Variants in RGS17 observed in about 807,000 individuals in gnomAD.
RGS17 encodes regulator of G-protein signaling 17.
A neutral mutation model predicts 25.5 loss-of-function variants in RGS17; 12 were observed. That is an observed-to-expected ratio of 0.47 (90% confidence interval 0.30 to 0.76). The LOEUF (loss-of-function observed/expected upper bound fraction) is 0.76. Among genes scored for constraint, RGS17 ranks in the 30% least tolerant of loss-of-function variants. RGS17 has a pLI of 0.07. For missense variants in RGS17, 196 were observed against 242.2 expected, an observed-to-expected ratio of 0.81 and a Z score of 1.27; for synonymous variants, 71 against 76.9, an observed-to-expected ratio of 0.92 and a Z score of 0.40.
intron 1 of RGS17, among the ~76,000 whole-genome samples, chr6:153,095,257 C>T (rs1777192470): frequency 6.6e-6 from 1 of 152,094 alleles, no homozygotes; most frequent in South Asian, 2.1e-4. Context: ...ATGAAATATT[C>T]TTGGATATTG....
intron 1 of RGS17, among the ~76,000 whole-genome samples, chr6:153,057,087 T>A (rs991294889): frequency 6.6e-6 from 1 of 151,996 alleles, no homozygotes; most frequent in Admixed American, 6.6e-5. Flanking sequence ...AAAGTATCCC[T>A]CACAGAGGAA....
At chr6:153,014,797 CAA>C (rs34132794) in intron 4 of RGS17, among the ~76,000 whole-genome samples, 30 of 97,104 alleles carry the variant, frequency 3.1e-4, no homozygotes, top group Admixed American at 3.2e-4. Context: ...GACTCCGTCT[CAA>C]AAAAAAAAAA....
chr6:153,079,567 T>C (rs756475533), intron 1 of RGS17, among the ~76,000 whole-genome samples: 1 of 152,218 alleles, frequency 6.6e-6, no homozygotes, highest in South Asian at 2.1e-4. Flanking sequence ...TGTGATCATA[T>C]GGCTTTCTTT....
rs187817544 is a variant in RGS17, at chr6:153,014,180, T to C, written c.445-2418A>G. 5.9e-5 allele frequency among the ~76,000 whole-genome samples: 9 copies of C among 152,304 alleles called. No homozygotes were observed. The East Asian group carries it at 1.7e-3, about 29-fold the overall frequency. ...ACAGATACGAATGCTTATTTACCAT[T>C]CTGTAAATCCTAGAGCCCTTAAGAA... On this transcript the variant is annotated intron_variant, in intron 4 of 4. Coordinates refer to ENST00000206262, the MANE Select transcript of RGS17 (RefSeq NM_012419.5).
intron 1 of RGS17, among the ~76,000 whole-genome samples, chr6:153,094,458 T>C (rs1777178883): frequency 6.6e-6 from 1 of 151,872 alleles, no homozygotes; most frequent in South Asian, 2.1e-4. Context: ...TTAGATAATA[T>C]TATAGATAAC....
intron 4 of RGS17, among the ~76,000 whole-genome samples, chr6:153,018,604 C>T (rs567036653): frequency 3.4e-4 from 52 of 152,214 alleles, no homozygotes; most frequent in African/African-American, 9.4e-4. Context: ...TGAATTTTAC[C>T]TTCTCAGAAT....
intron 1 of RGS17, among the ~76,000 whole-genome samples, chr6:153,107,205 C>A (rs1777399357): frequency 6.6e-6 from 1 of 151,680 alleles, no homozygotes; most frequent in African/African-American, 2.4e-5. Context: ...TGGTGGTGGG[C>A]GCCTGTAATC....
intron 4 of RGS17, among the ~76,000 whole-genome samples, chr6:153,016,072 A>G (rs1779181412): frequency 6.6e-6 from 1 of 152,202 alleles, no homozygotes; most frequent in Non-Finnish European, 1.5e-5. Context: ...AGCCTAAAAA[A>G]CATTACTTGG....
At chr6:153,080,799 T>A (rs1776967201) in intron 1 of RGS17, among the ~76,000 whole-genome samples, 2 of 152,196 alleles carry the variant, frequency 1.3e-5, no homozygotes, top group South Asian at 4.1e-4. Flanking sequence ...ATAAAAATTG[T>A]TATTTTCATT....
rs182974949 is a variant in RGS17, at chr6:153,068,223, T to A, written c.-25-24180A>T. Among the ~76,000 whole-genome samples, 35 of 152,276 alleles carry A rather than the reference T, an allele frequency of 2.3e-4. No individual in the cohort carries two copies. In the East Asian group the frequency reaches 6.2e-3, roughly 27 times the overall value. On this transcript the variant is annotated intron_variant, in intron 1 of 4. Coordinates refer to ENST00000206262, the MANE Select transcript of RGS17 (RefSeq NM_012419.5). ...ACTTTGGGAGGCCAAGGCGGGTAGA[T>A]CACCTGAGGTCAGGAATTTGAGACC... is the stretch of plus-strand genomic sequence containing the variant.
rs1387776860 is a variant in RGS17 at position 153,007,927 on chromosome 6, T to G, written c.*3647A>C. 1 of 152,224 alleles carries G rather than the reference T, an allele frequency of 6.6e-6. No homozygotes were observed. The highest frequency in any genetic ancestry group is 1.5e-5 in the Non-Finnish European group (1 of 68,042). 9.4% of individuals were successfully genotyped at this position (152,224 alleles called of 1,614,324 possible). ...GGTGGTTTTCAAATACGTTTTATTT[T>G]TGACTTTTTTGATTGTATTTTAAAT... On this transcript the variant is annotated 3_prime_UTR_variant, in exon 5 of 5. Transcript: ENST00000206262.
chr6:153,120,928 G>C (rs1481673026), intron 1 of RGS17, among the ~76,000 whole-genome samples: 1 of 152,022 alleles, frequency 6.6e-6, no homozygotes, highest in Non-Finnish European at 1.5e-5. Flanking sequence ...CCAGATCCTG[G>C]TCTAGCCATT....
intron 1 of RGS17, among the ~76,000 whole-genome samples, chr6:153,077,758 A>G (rs942318437): frequency 2.6e-5 from 4 of 152,182 alleles, no homozygotes; most frequent in African/African-American, 9.6e-5. Flanking sequence ...ATGAAATTAA[A>G]TTTATTAATT....
At chr6:153,039,028 T>G (rs968886759) in intron 2 of RGS17, among the ~76,000 whole-genome samples, 1 of 152,196 alleles carries the variant, frequency 6.6e-6, no homozygotes, top group Non-Finnish European at 1.5e-5. Flanking sequence ...GACCAATTTC[T>G]CTTGAGAAGA....
At chr6:153,069,858 A>G (rs1358361056) in intron 1 of RGS17, among the ~76,000 whole-genome samples, 2 of 151,850 alleles carry the variant, frequency 1.3e-5, no homozygotes, top group Non-Finnish European at 2.9e-5. Context: ...TACGTTATTT[A>G]TTATGTCTGT....
intron 1 of RGS17, among the ~76,000 whole-genome samples, chr6:153,103,846 G>C (rs1006954332): frequency 6.6e-6 from 1 of 152,180 alleles, no homozygotes; most frequent in Admixed American, 6.5e-5. Context: ...TAGAGGAAGA[G>C]AGGTAAACAT....
chr6:153,009,223 C>CCAT lies in RGS17; in HGVS notation c.*2348_*2350dup, dbSNP rs1325072545. On this transcript the variant is annotated 3_prime_UTR_variant, in exon 5 of 5. Transcript: ENST00000206262. The stretch of plus-strand genomic sequence containing the variant: ...AAGATAACTTATGACTAGCAGGTCA[C>CCAT]CATCATATATAGTAACAACGAGAAT... 1 of 152,030 alleles carries CCAT rather than the reference C, an allele frequency of 6.6e-6. No individual in the cohort carries two copies. Among genetic ancestry groups the CCAT allele is most frequent in the African/African-American group, 2.4e-5 (1 of 41,406 alleles). 9.4% of individuals were successfully genotyped at this position (152,030 alleles called of 1,614,324 possible).
At chr6:153,127,521 C>T (rs962248411) in intron 1 of RGS17, among the ~76,000 whole-genome samples, 2 of 152,114 alleles carry the variant, frequency 1.3e-5, no homozygotes, top group Admixed American at 1.3e-4. Context: ...AGGCTCAGGA[C>T]AGATTAGTAA....
At chr6:153,050,193 C>T (rs7761503) in intron 1 of RGS17, among the ~76,000 whole-genome samples, 58,585 of 151,930 alleles carry the variant, frequency 0.39, 11,990 homozygotes, top group East Asian at 0.62. Flanking sequence ...GTCATAAAAA[C>T]GTAGACTATA....
Sources: allele counts gnomAD v4.1 joint callset (sites outside exome capture counted in the v4.1 genomes callset), GRCh38; gene constraint gnomAD v4.1.1; transcripts MANE v1.5; gene names NCBI Gene and HGNC (gene_info 2026-07-23, HGNC 2026-07-21).